The following LCOR variants were observed in gnomAD, a reference collection of about 807,000 sequenced individuals.
The protein encoded by LCOR is ligand-dependent corepressor.
Under a neutral mutation model 64.4 loss-of-function variants are expected in LCOR, and 14 were observed. That is an observed-to-expected ratio of 0.22 (90% CI 0.14 to 0.34). LCOR has a LOEUF of 0.34. LCOR is among the 10% of genes least tolerant of loss of function. The probability of loss-of-function intolerance (pLI) is 1.00; values close to 1 mark genes in which losing one functional copy is unlikely to be tolerated. For synonymous variants in LCOR, 643 were observed against 642.5 expected (o/e 1.00, Z -0.01); for missense variants, 1,686 against 1,765.3 (o/e 0.96, Z 0.80).
chr10:96,980,561 A>G (rs992450529), intron 7 of LCOR, among the ~76,000 whole-genome samples: 2 of 152,124 alleles, frequency 1.3e-5, no homozygotes, highest in African/African-American at 2.4e-5. Flanking sequence ...TTTATAATAC[A>G]GATAGCCAGG....
chr10:96,929,185 T>G (rs560450239), intron 4 of LCOR, among the ~76,000 whole-genome samples: 1 of 152,348 alleles, frequency 6.6e-6, no homozygotes, highest in South Asian at 2.1e-4. Context: ...TTCTTGAAGC[T>G]TTGAAGCCAG....
intron 4 of LCOR, among the ~76,000 whole-genome samples, chr10:96,919,769 G>C (rs1847016249): frequency 6.6e-6 from 1 of 152,142 alleles, no homozygotes; most frequent in Non-Finnish European, 1.5e-5. Flanking sequence ...TTTTGTGACT[G>C]ACTTGTATTG....
chr10:96,878,891 C>T (rs1846214396), intron 2 of LCOR, among the ~76,000 whole-genome samples: 1 of 152,110 alleles, frequency 6.6e-6, no homozygotes, highest in Non-Finnish European at 1.5e-5. Context: ...CTCCCAGGCT[C>T]AAGCGATCTT....
At chr10:96,880,841 G>A (rs1846250374) in intron 2 of LCOR, among the ~76,000 whole-genome samples, 1 of 152,236 alleles carries the variant, frequency 6.6e-6, no homozygotes, top group Non-Finnish European at 1.5e-5. Context: ...TAGCCAAGAT[G>A]TAACAGTTGA....
chr10:96,833,381 GT>G, intron 1 of LCOR, 24 bp from the exon 2 acceptor site: 1 of 985,508 alleles, frequency 1.0e-6, no homozygotes, highest in Non-Finnish European at 1.2e-6. Flanking sequence ...CACACTGTGT[GT>G]TTTGTCTGTT....
chr10:96,927,190 T>A (rs1201554104), intron 4 of LCOR, among the ~76,000 whole-genome samples: 2 of 152,208 alleles, frequency 1.3e-5, no homozygotes, highest in African/African-American at 2.4e-5. Context: ...CATCAGTCTT[T>A]TTAACATAAG....
chr10:96,976,671 G>C (rs1405905336), intron 7 of LCOR, among the ~76,000 whole-genome samples: 4 of 152,234 alleles, frequency 2.6e-5, no homozygotes, highest in African/African-American at 9.6e-5. Flanking sequence ...AAGGAAGTTA[G>C]ATAATACCTG....
At position 96,981,864 on chromosome 10, in the gene LCOR, C is replaced by G; in HGVS notation, c.1404C>G (p.Asn468Lys). 1 of 1,614,168 alleles carries G rather than the reference C, an allele frequency of 6.2e-7. No individual in the cohort carries two copies. ...GGCTGAGGATAAATGATTATGATAA[C>G]CAGTGTGATGTTGTTTATATCAGTC... ...ASGLRINDYD[N>K]QCDVVYISQP... The change falls in exon 8 of 8, where the codon AAC (asparagine) becomes AAG (lysine). Residue 468 changes from asparagine to lysine, a missense_variant. Asn to Lys is a moderately conservative substitution (Grantham distance 94, BLOSUM62 0). This residue lies in a region of LCOR where 1,293 missense variants were observed against 1,410.4 expected (regional missense o/e 0.92). Coordinates refer to ENST00000421806, the MANE Select transcript of LCOR (RefSeq NM_001346516.2).
At chr10:96,951,646 A>G (rs1458691160) in intron 6 of LCOR, among the ~76,000 whole-genome samples, 2 of 152,164 alleles carry the variant, frequency 1.3e-5, no homozygotes, top group East Asian at 3.9e-4. Context: ...AGTTTTCTAT[A>G]TCGAATTTGT....
chr10:96,968,233 C>A (rs1340661371), intron 7 of LCOR, among the ~76,000 whole-genome samples: 3 of 152,122 alleles, frequency 2.0e-5, no homozygotes, highest in Non-Finnish European at 4.4e-5. Flanking sequence ...AAACATGGAA[C>A]TTGGAACCTT....
At chr10:96,865,530 T>TAGTTA (rs139882873) in intron 2 of LCOR, among the ~76,000 whole-genome samples, 8,326 of 147,682 alleles carry the variant, frequency 0.056, 757 homozygotes, top group African/African-American at 0.19. Context: ...AAATGTACAG[T>TAGTTA]AGTTATGACA....
chr10:96,832,882 C>T (rs1022179028), intron 1 of LCOR: 19 of 635,678 alleles, frequency 3.0e-5, no homozygotes, highest in African/African-American at 1.2e-4. Context: ...ACCCCTCCCC[C>T]ACGCGCGGGG....
intron 6 of LCOR, among the ~76,000 whole-genome samples, chr10:96,950,837 C>G (rs1026326686): frequency 6.6e-5 from 10 of 151,922 alleles, no homozygotes; most frequent in African/African-American, 2.4e-4. Context: ...ATAATAGTGT[C>G]TTTGGTTGGA....
rs189122115 is a variant in LCOR, at chr10:96,870,069, T to G, written c.-330+36590T>G. 3.2e-3 allele frequency among the ~76,000 whole-genome samples: 487 copies of G among 152,062 alleles called. 3 individuals are homozygous for G. Among genetic ancestry groups the G allele is most frequent in the African/African-American group, 0.011 (438 of 41,514 alleles). On this transcript the variant is annotated intron_variant, in intron 2 of 7. Transcript: ENST00000421806. The stretch of plus-strand genomic sequence containing the variant: ...TGTTGTTGTTGTTGTTGTTGTTGTT[T>G]TTTGAGATGGAGTCTCACTCTGTCG...
chr10:96,864,050 A>G (rs571682144), intron 2 of LCOR, among the ~76,000 whole-genome samples: 1 of 152,322 alleles, frequency 6.6e-6, no homozygotes, highest in South Asian at 2.1e-4. Context: ...TAATGATGCC[A>G]TTAAATATTA....
At chr10:96,834,879 GTGTTTT>G (rs899218254) in intron 2 of LCOR, among the ~76,000 whole-genome samples, 17 of 152,060 alleles carry the variant, frequency 1.1e-4, no homozygotes, top group Admixed American at 2.0e-4. Context: ...TTGACAAGAT[GTGTTTT>G]TGTTTTTGTT....
intron 6 of LCOR, among the ~76,000 whole-genome samples, chr10:96,951,102 A>G (rs187909619): frequency 1.5e-4 from 23 of 152,260 alleles, no homozygotes; most frequent in African/African-American, 4.8e-4. Flanking sequence ...TTTTAACACA[A>G]CTAGATAGCA....
intron 6 of LCOR, among the ~76,000 whole-genome samples, chr10:96,950,821 G>A (rs1326985001): frequency 3.9e-5 from 6 of 152,006 alleles, no homozygotes; most frequent in Admixed American, 1.3e-4. Flanking sequence ...TTTGACTTGC[G>A]TTTAAATAAT....
chr10:96,847,658 C>T (rs1217953509), intron 2 of LCOR, among the ~76,000 whole-genome samples: 2 of 152,142 alleles, frequency 1.3e-5, no homozygotes, highest in Non-Finnish European at 2.9e-5. Flanking sequence ...TCAGGCTGTT[C>T]TCTTAACTCC....
Sources: allele counts gnomAD v4.1 joint callset (sites outside exome capture counted in the v4.1 genomes callset), GRCh38; gene constraint gnomAD v4.1.1; regional missense constraint gnomAD v4.1.1; transcripts MANE v1.5; gene names NCBI Gene and HGNC (gene_info 2026-07-23, HGNC 2026-07-21).